The following PRICKLE1 variants were observed in gnomAD, a reference collection of about 807,000 sequenced individuals.
The protein encoded by PRICKLE1 is prickle planar cell polarity protein 1, also known as prickle-like protein 1.
PRICKLE1 carries 14 observed loss-of-function variants against 70.2 expected under a neutral mutation model. The ratio of observed to expected loss-of-function variants is 0.20; its 90% confidence interval spans 0.13 to 0.31. The LOEUF (loss-of-function observed/expected upper bound fraction) is 0.31, where lower values mean the gene tolerates loss of function less well. Ranked by LOEUF, PRICKLE1 falls within the 10% of genes least tolerant of loss-of-function variation. The pLI is 1.00. For synonymous variants in PRICKLE1, 357 were observed against 379.9 expected, an observed-to-expected ratio of 0.94 and a Z score of 0.70; for missense variants, 821 against 1,026.2, an observed-to-expected ratio of 0.80 and a Z score of 2.73.
At chr12:42,478,952 T>C (rs1264535511) in intron 1 of PRICKLE1, among the ~76,000 whole-genome samples, 1 of 151,726 alleles carries the variant, frequency 6.6e-6, no homozygotes, top group Non-Finnish European at 1.5e-5. Context: ...AGGGCTATAC[T>C]TAGGGAATGG....
At chr12:42,518,139 C>T (rs2120450612) in intron 1 of PRICKLE1, among the ~76,000 whole-genome samples, 1 of 151,298 alleles carries the variant, frequency 6.6e-6, no homozygotes, top group South Asian at 2.1e-4. Flanking sequence ...TACTCTGTCA[C>T]CCAGGGTGAT....
intron 1 of PRICKLE1, among the ~76,000 whole-genome samples, chr12:42,495,697 TC>T (rs1304622401): frequency 6.6e-6 from 1 of 152,100 alleles, no homozygotes; most frequent in African/African-American, 2.4e-5. Context: ...CAAGTGATTA[TC>T]CTGCCTCAGC....
At chr12:42,583,961 G>C (rs1298423821) in intron 1 of PRICKLE1, among the ~76,000 whole-genome samples, 2 of 152,150 alleles carry the variant, frequency 1.3e-5, no homozygotes, top group African/African-American at 4.8e-5. Context: ...CAAGTCCTGA[G>C]AGTGTATATT....
chr12:42,502,928 A>C (rs946166037), intron 1 of PRICKLE1, among the ~76,000 whole-genome samples: 1 of 152,202 alleles, frequency 6.6e-6, no homozygotes, highest in African/African-American at 2.4e-5. Flanking sequence ...CTTGCAGTTA[A>C]GCTGAAATTA....
chr12:42,515,123 T>G (rs561355684), intron 1 of PRICKLE1, among the ~76,000 whole-genome samples: 231 of 152,040 alleles, frequency 1.5e-3, no homozygotes, highest in Non-Finnish European at 2.6e-3. Flanking sequence ...TTGCATCATG[T>G]TGGGCGGGCT....
chr12:42,492,862 C>CT (rs1566100404), intron 1 of PRICKLE1, among the ~76,000 whole-genome samples: 1 of 152,086 alleles, frequency 6.6e-6, no homozygotes, highest in Admixed American at 6.6e-5. Flanking sequence ...ATCCAAAGTG[C>CT]TGAGATACTC....
At chr12:42,511,107 C>T (rs1939505342) in intron 1 of PRICKLE1, among the ~76,000 whole-genome samples, 1 of 152,204 alleles carries the variant, frequency 6.6e-6, no homozygotes, top group African/African-American at 2.4e-5. Context: ...ACAGCTCTCC[C>T]ACAATAAAAC....
rs1288785996 is a variant in PRICKLE1, at chr12:42,496,689, T to TG, written c.-48-24126dup. The stretch of plus-strand genomic sequence containing the variant: ...TCCATCACCACTCGCTACTTCACCT[T>TG]GCACTTTCATGTTAGAGAGATGGCT... On this transcript the variant is annotated intron_variant, in intron 1 of 7. Transcript: ENST00000345127. Among the ~76,000 whole-genome samples, 113 of 152,312 alleles carry TG rather than the reference T, an allele frequency of 7.4e-4. 1 individual carries two copies. The highest frequency in any genetic ancestry group is 2.6e-3 in the African/African-American group (110 of 41,530).
intron 1 of PRICKLE1, among the ~76,000 whole-genome samples, chr12:42,486,865 T>C (rs547639690): frequency 3.1e-3 from 479 of 152,328 alleles, no homozygotes; most frequent in Non-Finnish European, 4.9e-3. Context: ...GGTTTCTTAA[T>C]AGAAATGAGA....
chr12:42,492,444 C>A (rs562009826), intron 1 of PRICKLE1, among the ~76,000 whole-genome samples: 63 of 152,336 alleles, frequency 4.1e-4, no homozygotes, highest in Middle Eastern at 3.4e-3. Context: ...TGTGCTATAA[C>A]TAACCAAGGT....
chr12:42,475,632 TAAGGATATACAGTCAAA>T (rs58403124), intron 1 of PRICKLE1, among the ~76,000 whole-genome samples: 2,019 of 152,302 alleles, frequency 0.013, 47 homozygotes, highest in African/African-American at 0.046. Context: ...GAAGGCATTT[TAAGGATATACAGTCAAA>T]AAGGATTGTA....
chr12:42,517,052 T>C (rs556412130), intron 1 of PRICKLE1, among the ~76,000 whole-genome samples: 2 of 152,326 alleles, frequency 1.3e-5, no homozygotes, highest in South Asian at 4.1e-4. Flanking sequence ...CTTGAGCCTT[T>C]TGGAAGTTCT....
At chr12:42,498,924 T>G (rs1939256480) in intron 1 of PRICKLE1, among the ~76,000 whole-genome samples, 1 of 152,216 alleles carries the variant, frequency 6.6e-6, no homozygotes, top group Non-Finnish European at 1.5e-5. Context: ...GACCAAGGGC[T>G]TCCACACTGA....
At chr12:42,501,007 A>G (rs984292552) in intron 1 of PRICKLE1, among the ~76,000 whole-genome samples, 4 of 152,240 alleles carry the variant, frequency 2.6e-5, no homozygotes, top group Admixed American at 2.6e-4. Flanking sequence ...AATTCTAACA[A>G]GATTCCAGCA....
intron 1 of PRICKLE1, among the ~76,000 whole-genome samples, chr12:42,536,833 T>C (rs1011079877): frequency 5.9e-5 from 9 of 152,144 alleles, no homozygotes; most frequent in Non-Finnish European, 1.2e-4. Context: ...TCACTTGGTG[T>C]GCATAGTTTT....
chr12:42,486,080 A>T (rs1938985939), intron 1 of PRICKLE1, among the ~76,000 whole-genome samples: 1 of 152,198 alleles, frequency 6.6e-6, no homozygotes, highest in African/African-American at 2.4e-5. Flanking sequence ...CTTGCAGATC[A>T]CACTTTAGGG....
At chr12:42,509,661 C>A (rs975083574) in intron 1 of PRICKLE1, among the ~76,000 whole-genome samples, 10 of 152,104 alleles carry the variant, frequency 6.6e-5, no homozygotes, top group Non-Finnish European at 1.3e-4. Context: ...CATAGCAAGA[C>A]CTCGTCCTTA....
intron 1 of PRICKLE1, among the ~76,000 whole-genome samples, chr12:42,514,771 A>G (rs1939574608): frequency 6.6e-6 from 1 of 152,110 alleles, no homozygotes; most frequent in South Asian, 2.1e-4. Context: ...GAGAAACAGC[A>G]GTTCTCAGTT....
At chr12:42,490,941 GC>G (rs1323621086) in intron 1 of PRICKLE1, among the ~76,000 whole-genome samples, 1 of 151,774 alleles carries the variant, frequency 6.6e-6, no homozygotes, top group East Asian at 2.0e-4. Flanking sequence ...TGCGATCTTG[GC>G]TCACTACAAC....
Sources: allele counts gnomAD v4.1 joint callset (sites outside exome capture counted in the v4.1 genomes callset), GRCh38; gene constraint gnomAD v4.1.1; transcripts MANE v1.5; gene names NCBI Gene and HGNC (gene_info 2026-07-23, HGNC 2026-07-21).